Variants in FAM135B observed in about 807,000 individuals in gnomAD.
FAM135B encodes the protein family with sequence similarity 135 member B.
In FAM135B, 43 loss-of-function variants were observed where a neutral mutation model predicts 127.7. The observed-to-expected ratio is 0.34, with a 90% CI of 0.26 to 0.43. The LOEUF (loss-of-function observed/expected upper bound fraction) is 0.43. Ranked by LOEUF, FAM135B falls within the 20% of genes least tolerant of loss-of-function variation. The probability of loss-of-function intolerance (pLI) is 1.00; values close to 1 mark genes in which losing one functional copy is unlikely to be tolerated. For synonymous variants in FAM135B, 670 were observed against 665.1 expected, an observed-to-expected ratio of 1.01 and a Z score of -0.11; for missense variants, 1,558 against 1,725.6, an observed-to-expected ratio of 0.90 and a Z score of 1.72.
chr8:138,213,731 G>A (rs1015951204), intron 7 of FAM135B, among the ~76,000 whole-genome samples: 3 of 152,102 alleles, frequency 2.0e-5, no homozygotes, highest in East Asian at 1.9e-4. Context: ...GGACTGGGGG[G>A]TTGTACAAAG....
intron 2 of FAM135B, among the ~76,000 whole-genome samples, chr8:138,317,980 T>G (rs1359424270): frequency 6.6e-6 from 1 of 152,224 alleles, no homozygotes; most frequent in African/African-American, 2.4e-5. Flanking sequence ...TTTCAGTTTT[T>G]CAGGGGAAGA....
chr8:138,338,297 G>T (rs1050987456), intron 2 of FAM135B, among the ~76,000 whole-genome samples: 6 of 151,108 alleles, frequency 4.0e-5, no homozygotes, highest in Non-Finnish European at 7.4e-5. Flanking sequence ...CACAGCAAAA[G>T]AAACTACCAT....
chr8:138,321,379 G>A (rs750123324), intron 2 of FAM135B, among the ~76,000 whole-genome samples: 7 of 152,166 alleles, frequency 4.6e-5, no homozygotes, highest in Non-Finnish European at 7.3e-5. Context: ...CTTTTGGTGG[G>A]ACACGTTTCA....
intron 3 of FAM135B, among the ~76,000 whole-genome samples, chr8:138,303,716 G>A (rs1370304685): frequency 6.6e-6 from 1 of 152,200 alleles, no homozygotes; most frequent in Non-Finnish European, 1.5e-5. Flanking sequence ...GTGGTGCAAG[G>A]CTGTGGTGTC....
chr8:138,416,873 C>T (rs973599063), intron 1 of FAM135B, among the ~76,000 whole-genome samples: 1 of 152,100 alleles, frequency 6.6e-6, no homozygotes, highest in Non-Finnish European at 1.5e-5. Context: ...TTGCCAAGCA[C>T]CAGGACTCAG....
At chr8:138,266,226 A>C (rs1822911315) in intron 3 of FAM135B, among the ~76,000 whole-genome samples, 1 of 152,138 alleles carries the variant, frequency 6.6e-6, no homozygotes, top group Non-Finnish European at 1.5e-5. Flanking sequence ...TAAAAGACAG[A>C]AAACACCCTT....
At chr8:138,491,142 CAAAAA>C (rs796189435) in intron 1 of FAM135B, among the ~76,000 whole-genome samples, 1 of 73,738 alleles carries the variant, frequency 1.4e-5, no homozygotes, top group Non-Finnish European at 2.9e-5. Flanking sequence ...AACTCTCTCT[CAAAAA>C]AAAAAAAAAA....
At chr8:138,392,807 G>A (rs1395360247) in intron 1 of FAM135B, among the ~76,000 whole-genome samples, 2 of 152,202 alleles carry the variant, frequency 1.3e-5, no homozygotes, top group African/African-American at 4.8e-5. Flanking sequence ...TCTTCCTCCT[G>A]CCAGTCTCTC....
At chr8:138,358,107 A>G (rs1172495961) in intron 2 of FAM135B, among the ~76,000 whole-genome samples, 1 of 152,010 alleles carries the variant, frequency 6.6e-6, no homozygotes, top group Admixed American at 6.6e-5. Context: ...ACCCTTTTTA[A>G]AATCATCAGC....
chr8:138,389,804 T>C (rs75214144), intron 1 of FAM135B, among the ~76,000 whole-genome samples: 2 of 152,294 alleles, frequency 1.3e-5, no homozygotes, highest in Admixed American at 1.3e-4. Context: ...ATGGATCCAA[T>C]TGTGTTTGTG....
intron 3 of FAM135B, among the ~76,000 whole-genome samples, chr8:138,298,528 G>A (rs1825636044): frequency 6.6e-6 from 1 of 152,154 alleles, no homozygotes; most frequent in Admixed American, 6.5e-5. Context: ...GTGCATTCAA[G>A]AATGAATAAG....
At chr8:138,474,575 CT>C (rs1814286806) in intron 1 of FAM135B, among the ~76,000 whole-genome samples, 1 of 152,090 alleles carries the variant, frequency 6.6e-6, no homozygotes, top group Admixed American at 6.6e-5. Flanking sequence ...TGAGAATCCC[CT>C]GGTCTCCTTT....
chr8:138,141,620 C>T lies in FAM135B; in HGVS notation c.3639-271G>A, dbSNP rs1817157272. On this transcript the variant is annotated intron_variant, in intron 16 of 19. Transcript: ENST00000395297. The surrounding 1 kb of genome is among the most constrained non-coding windows in gnomAD (Gnocchi z 4.7). ...AGCCAGCTTCATGCTGCTAGAGCAG[C>T]CTGCTTTAATTCCACCTGGGGGAAG... Among the ~76,000 whole-genome samples the T allele has an allele frequency of 6.6e-6, 1 of 152,186 alleles. No individual in the cohort carries two copies. The highest frequency in any genetic ancestry group is 1.5e-5 in the Non-Finnish European group (1 of 68,032).
chr8:138,288,635 A>G (rs1301865506), intron 3 of FAM135B, among the ~76,000 whole-genome samples: 1 of 152,192 alleles, frequency 6.6e-6, no homozygotes, highest in East Asian at 1.9e-4. Context: ...GGGTGAGTTG[A>G]TGCCAAAGAG....
intron 3 of FAM135B, chr8:138,309,153 G>A (rs1826477098): frequency 5.5e-6 from 2 of 364,010 alleles, no homozygotes; most frequent in South Asian, 2.2e-5. Context: ...ATTATCCAAT[G>A]TACACATATG....
chr8:138,316,481 G>A (rs190042761), intron 2 of FAM135B, among the ~76,000 whole-genome samples: 25 of 148,550 alleles, frequency 1.7e-4, no homozygotes, highest in Admixed American at 1.4e-3. Context: ...GCGACAGAAC[G>A]AGACTCCGTC....
rs55837421 is a variant in FAM135B, at chr8:138,242,165, TTG to T, written c.669+775_669+776del. ...AGTCAATTACTTATGATAAATCTCT[TTG>T]TGTGTGTGTGTGTGTGTGTGTGTGT... On this transcript the variant is annotated intron_variant, in intron 7 of 19. Coordinates refer to ENST00000395297, the MANE Select transcript of FAM135B (RefSeq NM_015912.4). The surrounding 1 kb of genome is among the most constrained non-coding windows in gnomAD (Gnocchi z 9.6). Among the ~76,000 whole-genome samples, 14,516 of 129,622 alleles carry T rather than the reference TTG, an allele frequency of 0.11. 722 individuals are homozygous for T. The highest frequency in any genetic ancestry group is 0.16 in the East Asian group (713 of 4,360). The allele number at this position is 129,622 out of a possible 152,430, so 85.0% of individuals were successfully genotyped here.
At chr8:138,190,660 G>C (rs1816036365) in intron 9 of FAM135B, among the ~76,000 whole-genome samples, 1 of 152,152 alleles carries the variant, frequency 6.6e-6, no homozygotes, top group Non-Finnish European at 1.5e-5. Context: ...TTAACTAAGA[G>C]TCTGGCACCT....
Position 138,151,851 on chromosome 8 carries a change from G to A in FAM135B, c.2624C>T (p.Thr875Ile), listed in dbSNP as rs2130745601. 6.2e-7 allele frequency: 1 copy of A among 1,614,140 alleles called. No individual in the cohort carries two copies. Among genetic ancestry groups the A allele is most frequent in the South Asian group, 1.1e-5 (1 of 91,084 alleles). ...GRTENTPGVE[T>I]KGLNLKIPRV... Reference sequence around the variant, plus strand: ...TGGTATTTTTAAATTAAGACCTTTGGTTTCAACACCTGGAGTGTTCTCAGT... The same window carrying A: ...TGGTATTTTTAAATTAAGACCTTTGATTTCAACACCTGGAGTGTTCTCAGT... The change falls in exon 13 of 20, where the codon ACC becomes ATC. Residue 875 changes from threonine (T) to isoleucine (I), a missense_variant. Physicochemically the swap from Thr to Ile is moderately conservative, Grantham distance 89. Coordinates refer to ENST00000395297, the MANE Select transcript of FAM135B (RefSeq NM_015912.4).
Sources: allele counts gnomAD v4.1 joint callset (sites outside exome capture counted in the v4.1 genomes callset), GRCh38; gene constraint gnomAD v4.1.1; non-coding constraint Gnocchi (gnomAD v3.1); transcripts MANE v1.5; gene names NCBI Gene and HGNC (gene_info 2026-07-23, HGNC 2026-07-21).